The following CEP78 variants were observed in gnomAD, a reference collection of about 807,000 sequenced individuals.
CEP78 encodes centrosomal protein of 78 kDa.
In CEP78, 76 loss-of-function variants were observed where a neutral mutation model predicts 81.2. That is an observed-to-expected ratio of 0.94 (90% CI 0.78 to 1.13). The LOEUF is 1.13. CEP78 is among the 50% of genes most tolerant of loss of function. The pLI is 0.00. For synonymous variants in CEP78, 293 were observed against 301.4 expected (o/e 0.97, Z 0.29); for missense variants, 918 against 846.8 (o/e 1.08, Z -1.04).
In CEP78 at chr9:78,240,072, CA is replaced by C. The variant is rs1169435900; in HGVS notation, c.306del (p.Asp103MetfsTer2). ...GAAGTCGTGTTCCTGCGATAAGATA[CA>C]AAGATGTGACCTTCCAGTTGTGTAA... is the stretch of plus-strand genomic sequence containing the variant. ...CRSRVPAIRYKDVTFQLCKAL... is the reference protein window; with the variant it reads ...CRSRVPAIRYXDVTFQLCKAL... On this transcript the variant is annotated frameshift_variant, in exon 2 of 17. Coordinates refer to ENST00000643273, the MANE Select transcript of CEP78 (RefSeq NM_001330691.3). LOFTEE classifies it high-confidence loss of function. 1 of 1,584,662 alleles carries C rather than the reference CA, an allele frequency of 6.3e-7. No individual in the cohort carries two copies. Among genetic ancestry groups the C allele is most frequent in the African/African-American group, 1.4e-5 (1 of 72,720 alleles).
chr9:78,242,767 T>G lies in CEP78; in HGVS notation c.604-695T>G, dbSNP rs145574120. On this transcript the variant is annotated intron_variant, in intron 4 of 16. Coordinates refer to ENST00000643273, the MANE Select transcript of CEP78 (RefSeq NM_001330691.3). ...TTTCCTGTTACCGAAATTTACTTTA[T>G]GGATAAAGAGAAGTGATTATGTCTG... Among the ~76,000 whole-genome samples the G allele has an allele frequency of 2.2e-3, 334 of 152,266 alleles. 4 individuals are homozygous for G. In the East Asian group the frequency reaches 0.026, roughly 12 times the overall value.
intron 10 of CEP78, among the ~76,000 whole-genome samples, chr9:78,254,243 T>C (rs961012982): frequency 6.6e-6 from 1 of 152,172 alleles, no homozygotes; most frequent in African/African-American, 2.4e-5. Flanking sequence ...TTCTAGTTTT[T>C]ATTTTGTAGA....
At chr9:78,254,607 G>A (rs1382277696) in intron 10 of CEP78, 3 of 191,090 alleles carry the variant, frequency 1.6e-5, no homozygotes, top group Non-Finnish European at 3.2e-5. Flanking sequence ...AAAAAATATG[G>A]GCGATTCCAG....
rs761677623 is a variant in CEP78, at chr9:78,248,826, C to A, written c.1022C>A (p.Thr341Asn). The part of the protein sequence containing the change: ...PSKTAKQKRR[T>N]IILGSGHKGK... ...AAAACTGCTAAACAGAAAAGGAGAACTATAATTCTAGGAAGTGGTCACAAA... is the reference window on the plus strand; with the variant it reads ...AAAACTGCTAAACAGAAAAGGAGAAATATAATTCTAGGAAGTGGTCACAAA... The change falls in exon 8 of 17, where the codon ACT becomes AAT. Residue 341 changes from threonine to asparagine, a missense_variant. Transcript: ENST00000643273. The A allele has an allele frequency of 2.5e-5, 40 of 1,597,472 alleles. 1 individual carries two copies. The South Asian group carries it at 4.6e-4, about 18-fold the overall frequency.
chr9:78,241,001 C>T (rs1167889477), intron 3 of CEP78, among the ~76,000 whole-genome samples: 3 of 151,750 alleles, frequency 2.0e-5, no homozygotes, highest in African/African-American at 7.3e-5. Flanking sequence ...ATAATTAAAA[C>T]ATATATACAA....
chr9:78,252,190 A>T, intron 9 of CEP78, 147 bp downstream of exon 9: 3 of 631,720 alleles, frequency 4.7e-6, no homozygotes, highest in Non-Finnish European at 7.6e-6. Context: ...TCCTTTAAGG[A>T]AGAAAAACAA....
At chr9:78,269,956 A>G (rs1827655249) in intron 16 of CEP78, among the ~76,000 whole-genome samples, 1 of 152,236 alleles carries the variant, frequency 6.6e-6, no homozygotes, top group African/African-American at 2.4e-5. Flanking sequence ...ATCTGAACAG[A>G]TGGGGATGTA....
chr9:78,265,552 A>G lies in CEP78; in HGVS notation c.1797+9A>G, dbSNP rs989625823. 1 of 1,556,210 alleles carries G rather than the reference A, an allele frequency of 6.4e-7. No individual in the cohort carries two copies. Among genetic ancestry groups the G allele is most frequent in the Non-Finnish European group, 8.7e-7 (1 of 1,149,900 alleles). The stretch of plus-strand genomic sequence containing the variant: ...AAATGCAAAATATCCAGGTAAATGA[A>G]TAGAACAGAACTTAGTGATTCTACA... On this transcript the variant is annotated intron_variant, in intron 14 of 16. Transcript: ENST00000643273.
Position 78,243,570 on chromosome 9 carries a change from A to C in CEP78, c.712A>C (p.Thr238Pro). The change falls in exon 5 of 17, where the codon ACA becomes CCA. Residue 238 changes from threonine to proline, a missense_variant. Transcript: ENST00000643273. Reference protein sequence around the residue: ...GLRRITLNCNTLIGDLGACAF... With the variant: ...GLRRITLNCNPLIGDLGACAF... ...AAGACGTATCACACTGAATTGCAAC[A>C]CACTTATTGGTGACCTAGGTGCATG... The C allele has an allele frequency of 6.2e-7, 1 of 1,613,838 alleles. No homozygotes were observed. The highest frequency in any genetic ancestry group is 2.2e-5 in the East Asian group (1 of 44,866).
chr9:78,243,680 G>T, intron 5 of CEP78, 44 bp downstream of exon 5: 2 of 1,527,752 alleles, frequency 1.3e-6, no homozygotes, highest in Admixed American at 1.8e-5. Context: ...TGAATTTTTT[G>T]ATATTAAATA....
chr9:78,258,075 A>G (rs1304236498), intron 11 of CEP78, among the ~76,000 whole-genome samples: 2 of 152,248 alleles, frequency 1.3e-5, no homozygotes, highest in Admixed American at 1.3e-4. Context: ...GATAGCAAAA[A>G]TAACTAGCTT....
chr9:78,250,346 TCA>T (rs1826697322), intron 8 of CEP78: 1 of 397,884 alleles, frequency 2.5e-6, no homozygotes, highest in Admixed American at 4.4e-5. Flanking sequence ...GTAAATTATG[TCA>T]CATTCATATT....
chr9:78,275,728 G>A lies in CEP78; in HGVS notation c.*4877G>A, dbSNP rs1310340829. ...GGAACATTGCTGAGACCAGCAGTTTGAGACCAGCCTGGGCAAGACCTCATC... is the reference window on the plus strand; with the variant it reads ...GGAACATTGCTGAGACCAGCAGTTTAAGACCAGCCTGGGCAAGACCTCATC... On this transcript the variant is annotated 3_prime_UTR_variant, in exon 17 of 17. Transcript: ENST00000643273. 1 of 151,668 alleles carries A rather than the reference G, an allele frequency of 6.6e-6. No individual in the cohort carries two copies. The highest frequency in any genetic ancestry group is 1.5e-5 in the Non-Finnish European group (1 of 68,018). 9.4% of individuals were successfully genotyped at this position (151,668 alleles called of 1,614,324 possible).
intron 13 of CEP78, among the ~76,000 whole-genome samples, chr9:78,264,831 T>C (rs1808392110): frequency 6.6e-6 from 1 of 152,196 alleles, no homozygotes; most frequent in African/African-American, 2.4e-5. Context: ...TTAAAATTGT[T>C]ATTAATCTGC....
intron 3 of CEP78, among the ~76,000 whole-genome samples, chr9:78,240,596 A>G (rs1826181767): frequency 6.6e-6 from 1 of 152,242 alleles, no homozygotes; most frequent in African/African-American, 2.4e-5. Context: ...ACCATCTGGT[A>G]TTCTCTGTTT....
At chr9:78,237,769 A>G (rs1826025508) in intron 1 of CEP78, among the ~76,000 whole-genome samples, 1 of 151,988 alleles carries the variant, frequency 6.6e-6, no homozygotes, top group Non-Finnish European at 1.5e-5. Context: ...AATTGGAAGG[A>G]TGGTGAATTG....
Position 78,236,359 on chromosome 9 carries a change from C to G in CEP78, c.9C>G (p.Asp3Glu). MI[D>E]SVKLRRDSAA... ...GAGGCCGCCCTCGGGCCATGATCGA[C>G]TCCGTGAAGCTGCGCCGCGACAGCG... The change falls in exon 1 of 17, where the codon GAC becomes GAG. Residue 3 changes from aspartate (D) to glutamate (E), a missense_variant. Physicochemically the swap from Asp to Glu is conservative, Grantham distance 45 (BLOSUM62 2). Coordinates refer to ENST00000643273, the MANE Select transcript of CEP78 (RefSeq NM_001330691.3). 1 of 1,576,982 alleles carries G rather than the reference C, an allele frequency of 6.3e-7. No individual in the cohort carries two copies. The highest frequency in any genetic ancestry group is 2.3e-5 in the East Asian group (1 of 43,002).
At chr9:78,252,077 A>C in intron 9 of CEP78, 34 bp downstream of exon 9, 2 of 1,524,690 alleles carry the variant, frequency 1.3e-6, no homozygotes, top group Non-Finnish European at 1.8e-6. Context: ...TTTTAGGATA[A>C]AAATGGGATT....
In CEP78 at chr9:78,266,530, C is replaced by T. The variant is rs1327296685; in HGVS notation, c.1934C>T (p.Ser645Phe). ...PVSTPEGLGT[S>F]SNNLGVPATE... ...TCTACTCCAGAGGGCTTAGGAACTTCCAGCAACAACCTAGGAGTCCCAGCT... is the reference window on the plus strand; with the variant it reads ...TCTACTCCAGAGGGCTTAGGAACTTTCAGCAACAACCTAGGAGTCCCAGCT... Residue 645 changes from serine to phenylalanine, a missense_variant, in exon 16 of 17, where the codon TCC (serine) becomes TTC (phenylalanine). Coordinates refer to ENST00000643273, the MANE Select transcript of CEP78 (RefSeq NM_001330691.3). 4 of 1,613,874 alleles carry T rather than the reference C, an allele frequency of 2.5e-6. No individual in the cohort carries two copies. The highest frequency in any genetic ancestry group is 3.4e-6 in the Non-Finnish European group (4 of 1,179,854).
Sources: allele counts gnomAD v4.1 joint callset (sites outside exome capture counted in the v4.1 genomes callset), GRCh38; gene constraint gnomAD v4.1.1; transcripts MANE v1.5; gene names NCBI Gene and HGNC (gene_info 2026-07-23, HGNC 2026-07-21).